Variants in SMARCC1 observed in about 807,000 individuals in gnomAD.
SMARCC1 encodes SWI/SNF complex subunit SMARCC1.
SMARCC1 carries 43 observed loss-of-function variants against 147.4 expected under a neutral mutation model. The observed-to-expected ratio is 0.29, with a 90% CI of 0.23 to 0.38. The LOEUF (loss-of-function observed/expected upper bound fraction) is 0.38. SMARCC1 is among the 10% of genes least tolerant of loss of function. The probability of loss-of-function intolerance (pLI) is 1.00; values close to 1 mark genes in which losing one functional copy is unlikely to be tolerated. For missense variants in SMARCC1, 1,119 were observed against 1,381.1 expected, an observed-to-expected ratio of 0.81 and a Z score of 3.01; for synonymous variants, 495 against 484.4, an observed-to-expected ratio of 1.02 and a Z score of -0.29.
intron 7 of SMARCC1, among the ~76,000 whole-genome samples, chr3:47,719,822 G>A (rs1439708322): frequency 6.6e-6 from 1 of 151,980 alleles, no homozygotes; most frequent in Non-Finnish European, 1.5e-5. Context: ...TGCAACCTCC[G>A]CTTCCCAGGT....
intron 24 of SMARCC1, among the ~76,000 whole-genome samples, chr3:47,624,456 G>A (rs957487668): frequency 6.6e-6 from 1 of 152,144 alleles, no homozygotes; most frequent in African/African-American, 2.4e-5. Context: ...AAATTGGACT[G>A]CATCAGACTT....
intron 25 of SMARCC1, among the ~76,000 whole-genome samples, chr3:47,611,452 T>C (rs532711202): frequency 2.0e-5 from 3 of 152,328 alleles, no homozygotes; most frequent in Admixed American, 6.5e-5. Flanking sequence ...AGAAACAATG[T>C]ATATATGTAG....
chr3:47,619,716 G>A (rs1297278262), intron 25 of SMARCC1, among the ~76,000 whole-genome samples: 1 of 152,218 alleles, frequency 6.6e-6, no homozygotes, highest in East Asian at 1.9e-4. Context: ...CTCAATGACA[G>A]ATGTACAGCA....
At chr3:47,649,846 G>A (rs1333779001) in intron 21 of SMARCC1, among the ~76,000 whole-genome samples, 1 of 152,268 alleles carries the variant, frequency 6.6e-6, no homozygotes, top group East Asian at 1.9e-4. Flanking sequence ...CTCTCTTGAG[G>A]GAAAGGGCTG....
chr3:47,696,375 G>GAAACA (rs755828060), intron 11 of SMARCC1, among the ~76,000 whole-genome samples: 2 of 151,926 alleles, frequency 1.3e-5, no homozygotes, highest in East Asian at 3.9e-4. Flanking sequence ...CTCTGTCTCA[G>GAAACA]AAACAAAACA....
intron 24 of SMARCC1, among the ~76,000 whole-genome samples, chr3:47,627,534 A>G (rs1194361795): frequency 6.6e-6 from 1 of 152,178 alleles, no homozygotes; most frequent in Non-Finnish European, 1.5e-5. Context: ...CCTTCCAGCA[A>G]GAGTCTGAAG....
At chr3:47,681,980 T>C (rs1348887040) in intron 14 of SMARCC1, among the ~76,000 whole-genome samples, 1 of 152,182 alleles carries the variant, frequency 6.6e-6, no homozygotes, top group Admixed American at 6.5e-5. Flanking sequence ...TGAAAACGTT[T>C]CTGTAAACTA....
intron 3 of SMARCC1, among the ~76,000 whole-genome samples, chr3:47,739,480 A>G (rs1341026988): frequency 6.6e-6 from 1 of 152,084 alleles, no homozygotes; most frequent in Non-Finnish European, 1.5e-5. Context: ...ACCAGCCATC[A>G]CACTCAGGTA....
At chr3:47,761,813 A>T (rs1190963635) in intron 2 of SMARCC1, among the ~76,000 whole-genome samples, 1 of 151,916 alleles carries the variant, frequency 6.6e-6, no homozygotes, top group Admixed American at 6.6e-5. Context: ...CTCCTATTTC[A>T]TTTTTTTCTT....
intron 24 of SMARCC1, among the ~76,000 whole-genome samples, chr3:47,633,013 A>G (rs1033285648): frequency 6.6e-6 from 1 of 151,868 alleles, no homozygotes; most frequent in African/African-American, 2.4e-5. Flanking sequence ...AATGAGACAG[A>G]CTAGTGATTA....
intron 1 of SMARCC1, among the ~76,000 whole-genome samples, chr3:47,774,620 T>C (rs922516190): frequency 2.6e-5 from 4 of 151,924 alleles, no homozygotes; most frequent in Admixed American, 6.6e-5. Flanking sequence ...GGTTTCACCA[T>C]GTTAGCCAGG....
rs564156433 is a variant in SMARCC1, at chr3:47,727,106, G to A, written c.646+1919C>T. On this transcript the variant is annotated intron_variant, in intron 6 of 27. Coordinates refer to ENST00000254480, the MANE Select transcript of SMARCC1 (RefSeq NM_003074.4). The stretch of plus-strand genomic sequence containing the variant: ...TGCACTCCTGTAGTCCCAGCTACTC[G>A]GGAGGCTGAGGCAGGAGAATCGCTT... 1.7e-4 allele frequency among the ~76,000 whole-genome samples: 26 copies of A among 151,966 alleles called. No homozygotes were observed. In the East Asian group the frequency reaches 5.0e-3, roughly 29 times the overall value.
chr3:47,767,878 C>CT (rs60907462), intron 2 of SMARCC1, among the ~76,000 whole-genome samples: 88 of 145,444 alleles, frequency 6.1e-4, no homozygotes, highest in East Asian at 8.2e-4. Context: ...ACAGTGAACT[C>CT]TTTTTTTTTT....
At chr3:47,599,042 GATA>G (rs1190920010) in intron 26 of SMARCC1, among the ~76,000 whole-genome samples, 2 of 152,048 alleles carry the variant, frequency 1.3e-5, no homozygotes, top group Admixed American at 1.3e-4. Context: ...GGCTTTGCTG[GATA>G]TTGGACCTGA....
At chr3:47,713,273 G>A (rs996358992) in intron 8 of SMARCC1, among the ~76,000 whole-genome samples, 5 of 151,820 alleles carry the variant, frequency 3.3e-5, no homozygotes, top group African/African-American at 9.7e-5. Context: ...AGCCGAGATC[G>A]CGCCACTGCA....
At chr3:47,606,484 C>A (rs147156888) in intron 26 of SMARCC1, among the ~76,000 whole-genome samples, 2 of 152,268 alleles carry the variant, frequency 1.3e-5, no homozygotes, top group East Asian at 3.9e-4. Flanking sequence ...CATACAAACA[C>A]CCATTATCAT....
intron 2 of SMARCC1, among the ~76,000 whole-genome samples, chr3:47,761,335 T>G (rs942089971): frequency 6.6e-6 from 1 of 151,944 alleles, no homozygotes; most frequent in Non-Finnish European, 1.5e-5. Context: ...TTATCTCAAA[T>G]TAAATAAGAC....
At chr3:47,735,738 C>A (rs781685769) in intron 5 of SMARCC1, among the ~76,000 whole-genome samples, 1 of 151,944 alleles carries the variant, frequency 6.6e-6, no homozygotes, top group Non-Finnish European at 1.5e-5. Context: ...TGGGCGACAG[C>A]GCGAGACTCT....
At chr3:47,642,618 A>AC (rs2033063737) in intron 21 of SMARCC1, among the ~76,000 whole-genome samples, 1 of 151,048 alleles carries the variant, frequency 6.6e-6, no homozygotes, top group African/African-American at 2.4e-5. Flanking sequence ...AACAACAACA[A>AC]AAACCTAATA....
Sources: allele counts gnomAD v4.1 joint callset (sites outside exome capture counted in the v4.1 genomes callset), GRCh38; gene constraint gnomAD v4.1.1; transcripts MANE v1.5; gene names NCBI Gene and HGNC (gene_info 2026-07-23, HGNC 2026-07-21).